The following DNAH3 variants were observed in gnomAD, a reference collection of about 807,000 sequenced individuals.
The protein encoded by DNAH3 is dynein axonemal heavy chain 3.
DNAH3 carries 332 observed loss-of-function variants against 432.5 expected under a neutral mutation model. That is an observed-to-expected ratio of 0.77 (90% confidence interval 0.70 to 0.84). The LOEUF (loss-of-function observed/expected upper bound fraction) is 0.84, where lower values mean the gene tolerates loss of function less well. Ranked by LOEUF, DNAH3 falls within the 40% of genes least tolerant of loss-of-function variation. The pLI is 0.00. For synonymous variants in DNAH3, 1,956 were observed against 1,900.2 expected (o/e 1.03, Z -0.76); for missense variants, 4,861 against 5,114.0 (o/e 0.95, Z 1.51).
chr16:21,083,835 G>A (rs1480338077), intron 19 of DNAH3, among the ~76,000 whole-genome samples: 32 of 152,164 alleles, frequency 2.1e-4, no homozygotes, highest in Non-Finnish European at 4.4e-5. Context: ...ACTGCAGGGA[G>A]GAATGGGCTC....
chr16:21,123,049 C>T (rs2092377230), intron 9 of DNAH3, among the ~76,000 whole-genome samples: 1 of 152,142 alleles, frequency 6.6e-6, no homozygotes, highest in Non-Finnish European at 1.5e-5. Flanking sequence ...TCACCTCTCT[C>T]CTCCAAAATA....
chr16:21,041,916 G>A (rs1567686154), intron 32 of DNAH3, 111 bp downstream of exon 32: 4 of 1,224,760 alleles, frequency 3.3e-6, no homozygotes, highest in Non-Finnish European at 4.7e-6. Flanking sequence ...CAGGTGATTT[G>A]CCCACCTTGG....
At chr16:20,971,087 C>T (rs1597005719) in intron 51 of DNAH3, among the ~76,000 whole-genome samples, 1 of 151,822 alleles carries the variant, frequency 6.6e-6, no homozygotes, top group Non-Finnish European at 1.5e-5. Context: ...AGGCTGGTCT[C>T]GAACTCCTGA....
At chr16:20,971,001 G>A (rs1181689880) in intron 51 of DNAH3, among the ~76,000 whole-genome samples, 3 of 151,536 alleles carry the variant, frequency 2.0e-5, no homozygotes, top group Non-Finnish European at 4.4e-5. Context: ...CCGAGTAGCT[G>A]GGACTACAGG....
rs933888627 is a variant in DNAH3 at position 20,988,439 on chromosome 16, G to A, written c.6602-374C>T. Among the ~76,000 whole-genome samples, 44 of 152,002 alleles carry A rather than the reference G, an allele frequency of 2.9e-4. 1 individual carries two copies. Among genetic ancestry groups the A allele is most frequent in the South Asian group, 2.1e-3 (10 of 4,814 alleles). The stretch of plus-strand genomic sequence containing the variant: ...TTATATTACATTACTTTTTGAGATG[G>A]AGTTCCCCTCTGTTGCCCAGGCTGG... On this transcript the variant is annotated intron_variant, in intron 44 of 61. Transcript: ENST00000261383.
chr16:21,121,828 A>G (rs1347718264), intron 10 of DNAH3, 117 bp downstream of exon 11: 1 of 782,624 alleles, frequency 1.3e-6, no homozygotes, highest in Admixed American at 3.0e-5. Flanking sequence ...ATATATCTCC[A>G]AAGTGAAGCT....
chr16:20,987,002 CAATT>C (rs1424804139), intron 47 of DNAH3, among the ~76,000 whole-genome samples: 2 of 152,222 alleles, frequency 1.3e-5, no homozygotes, highest in Admixed American at 6.5e-5. Context: ...CTCAACTCAC[CAATT>C]AATTGATCCT....
chr16:21,048,704 CTTT>C (rs765614532), intron 31 of DNAH3, among the ~76,000 whole-genome samples: 1 of 144,042 alleles, frequency 6.9e-6, no homozygotes. Flanking sequence ...CTCCTCCCTC[CTTT>C]TTTTTTTTTT....
intron 23 of DNAH3, among the ~76,000 whole-genome samples, chr16:21,068,740 A>G (rs1294390477): frequency 6.6e-6 from 1 of 152,208 alleles, no homozygotes; most frequent in African/African-American, 2.4e-5. Context: ...CTGAGTAACC[A>G]AATGTGGGTA....
At chr16:20,997,048 G>T (rs2086791649) in intron 44 of DNAH3, 3 of 462,966 alleles carry the variant, frequency 6.5e-6, no homozygotes, top group Non-Finnish European at 1.2e-5. Flanking sequence ...TTTCCTATGA[G>T]ACTCTCTGTT....
intron 19 of DNAH3, among the ~76,000 whole-genome samples, chr16:21,085,998 T>C (rs1400870573): frequency 1.3e-5 from 2 of 152,134 alleles, no homozygotes; most frequent in African/African-American, 2.4e-5. Flanking sequence ...GCTCAAACTA[T>C]CCTCCTGCCT....
intron 56 of DNAH3, 46 bp from the exon 57 acceptor site, chr16:20,948,683 T>C: frequency 6.2e-7 from 1 of 1,605,426 alleles, no homozygotes; most frequent in Non-Finnish European, 8.5e-7. Flanking sequence ...GGGAAGGTCA[T>C]CACGAGCTTG....
At chr16:21,042,290 A>G in intron 31 of DNAH3, 87 bp from the exon 32 acceptor site, 1 of 1,393,782 alleles carries the variant, frequency 7.2e-7, no homozygotes. Flanking sequence ...CATAGCAAAG[A>G]AAGAACCCAA....
At chr16:21,003,297 C>T in intron 41 of DNAH3, 90 bp from the exon 42 acceptor site, 2 of 815,940 alleles carry the variant, frequency 2.5e-6, no homozygotes, top group African/African-American at 1.7e-5. Flanking sequence ...CAGTTATCAG[C>T]ATATGAAAAT....
chr16:21,027,110 C>T, exon 38 of DNAH3: 2 of 1,613,688 alleles, frequency 1.2e-6, no homozygotes, highest in Non-Finnish European at 1.7e-6. Context: ...GGATAATTTC[C>T]CCACTCATGA....
intron 33 of DNAH3, among the ~76,000 whole-genome samples, chr16:21,039,033 ATATG>A (rs1156552523): frequency 2.6e-5 from 4 of 152,212 alleles, no homozygotes; most frequent in East Asian, 1.9e-4. Context: ...TGCATGTGTT[ATATG>A]TATGTGTGTA....
exon 53 of DNAH3, chr16:20,963,454 C>A: frequency 6.2e-7 from 1 of 1,614,148 alleles, no homozygotes; most frequent in Non-Finnish European, 8.5e-7. Flanking sequence ...CCGCAAACAT[C>A]GAAGGATCAC....
In DNAH3 at chr16:21,104,463, C is replaced by T; in HGVS notation, c.2366+8G>A. Reference sequence around the variant, plus strand: ...CATTTCCAAGACAATCCCAGACTCTCCCGGTACCTTTTAATCAGATCCATT... The same window carrying T: ...CATTTCCAAGACAATCCCAGACTCTTCCGGTACCTTTTAATCAGATCCATT... On this transcript the variant is annotated splice_region_variant and intron_variant, in intron 16 of 61. Coordinates refer to ENST00000261383, the Ensembl canonical transcript of DNAH3. 1 of 1,613,208 alleles carries T rather than the reference C, an allele frequency of 6.2e-7. No individual in the cohort carries two copies.
intron 44 of DNAH3, among the ~76,000 whole-genome samples, chr16:20,989,531 A>G (rs530543999): frequency 6.6e-6 from 1 of 152,258 alleles, no homozygotes; most frequent in Non-Finnish European, 1.5e-5. Flanking sequence ...TGAGCTAGAC[A>G]TAAAGGTTCT....
Sources: allele counts gnomAD v4.1 joint callset (sites outside exome capture counted in the v4.1 genomes callset), GRCh38; gene constraint gnomAD v4.1.1; transcripts MANE v1.5; gene names NCBI Gene and HGNC (gene_info 2026-07-23, HGNC 2026-07-21).